The following HOOK3 variants were observed in gnomAD, a reference collection of about 807,000 sequenced individuals.
HOOK3 encodes protein Hook homolog 3.
In HOOK3, 24 loss-of-function variants were observed where a neutral mutation model predicts 116.3. The observed-to-expected ratio is 0.21, with a 90% CI of 0.15 to 0.29. The LOEUF is 0.29. HOOK3 is among the 10% of genes least tolerant of loss of function. HOOK3 has a pLI of 1.00. For synonymous variants in HOOK3, 275 were observed against 283.0 expected (o/e 0.97, Z 0.28); for missense variants, 632 against 830.2 (o/e 0.76, Z 2.93).
intron 13 of HOOK3, among the ~76,000 whole-genome samples, chr8:42,975,565 G>A (rs1808806394): frequency 6.6e-6 from 1 of 152,204 alleles, no homozygotes; most frequent in Non-Finnish European, 1.5e-5. Context: ...GATGAGTCAA[G>A]AAGGAATGAT....
chr8:42,940,267 G>T (rs1212232748), intron 4 of HOOK3, among the ~76,000 whole-genome samples: 3 of 152,260 alleles, frequency 2.0e-5, no homozygotes, highest in African/African-American at 4.8e-5. Context: ...ATCACTCGCG[G>T]CTAGGAGCTG....
intron 5 of HOOK3, among the ~76,000 whole-genome samples, chr8:42,949,659 C>T (rs1033929382): frequency 6.6e-6 from 1 of 152,194 alleles, no homozygotes; most frequent in Non-Finnish European, 1.5e-5. Flanking sequence ...GTGGCTCACG[C>T]CTGTAATCCC....
At chr8:42,941,818 T>C (rs1469508607) in intron 4 of HOOK3, among the ~76,000 whole-genome samples, 1 of 152,120 alleles carries the variant, frequency 6.6e-6, no homozygotes, top group East Asian at 1.9e-4. Context: ...TTTTGGAGTT[T>C]ATCAAGTGCA....
chr8:42,899,695 CAGTT>C (rs1394484786), intron 1 of HOOK3, among the ~76,000 whole-genome samples: 1 of 152,160 alleles, frequency 6.6e-6, no homozygotes, highest in Non-Finnish European at 1.5e-5. Flanking sequence ...AGCTTCTAGT[CAGTT>C]TGGTTGTGTG....
intron 5 of HOOK3, among the ~76,000 whole-genome samples, chr8:42,947,094 G>C (rs1484256032): frequency 2.0e-5 from 3 of 151,922 alleles, no homozygotes; most frequent in African/African-American, 7.3e-5. Context: ...GTAAATTTTA[G>C]TTTGCTTATT....
At chr8:42,979,594 C>G (rs1808895681) in intron 13 of HOOK3, among the ~76,000 whole-genome samples, 1 of 151,940 alleles carries the variant, frequency 6.6e-6, no homozygotes, top group East Asian at 1.9e-4. Flanking sequence ...ATTCTTTTTT[C>G]CCTGCTCCTC....
At chr8:43,004,235 C>T (rs376560063) in intron 17 of HOOK3, among the ~76,000 whole-genome samples, 3 of 151,234 alleles carry the variant, frequency 2.0e-5, no homozygotes, top group East Asian at 1.9e-4. Context: ...GGCATGGTGG[C>T]GTGCACCTGT....
chr8:42,984,100 G>C (rs1036288086), intron 14 of HOOK3, among the ~76,000 whole-genome samples: 4 of 152,102 alleles, frequency 2.6e-5, no homozygotes, highest in African/African-American at 9.7e-5. Context: ...GGGCACGGTG[G>C]CTCACTCCTG....
rs1047495131 is a variant in HOOK3, at chr8:43,018,482, C to T, written c.2141C>T (p.Pro714Leu). 4 of 1,611,658 alleles carry T rather than the reference C, an allele frequency of 2.5e-6. No individual in the cohort carries two copies. Among genetic ancestry groups the T allele is most frequent in the African/African-American group, 1.3e-5 (1 of 74,784 alleles). ...SRRSYPGHVQ[P>L]ATAR ...AGATCATACCCAGGCCACGTGCAGC[C>T]GGCCACAGCAAGGTAGAGAAGTTGT... The change falls in exon 22 of 22, where the codon CCG (proline) becomes CTG (leucine). Residue 714 changes from proline (P) to leucine (L), a missense_variant. By Grantham distance (98) the Pro-to-Leu change is moderately conservative. This residue lies in a region of HOOK3 where 483 missense variants were observed against 648.1 expected (regional missense o/e 0.75). Transcript: ENST00000307602.
chr8:42,956,223 C>CGTGTGTGTGTGTGTGTGTGTGTGT (rs61448463), intron 6 of HOOK3, among the ~76,000 whole-genome samples: 121 of 135,874 alleles, frequency 8.9e-4, no homozygotes, highest in Non-Finnish European at 1.2e-3. Flanking sequence ...AGGATTAGGG[C>CGTGTGTGTGTGTGTGTGTGTGTGT]GTGTGTGTGT....
chr8:42,925,683 CTG>C, intron 3 of HOOK3, 54 bp downstream of exon 3: 1 of 1,230,666 alleles, frequency 8.1e-7, no homozygotes. Context: ...TGTATAATAT[CTG>C]TTGATTTTTT....
intron 17 of HOOK3, 65 bp from the exon 18 acceptor site, chr8:43,007,782 T>C (rs1809521174): frequency 3.2e-6 from 3 of 928,090 alleles, no homozygotes; most frequent in Middle Eastern, 2.3e-4. Context: ...GGAACTCAGA[T>C]CTTTAATTTG....
rs117103320 is a variant in HOOK3 at position 42,911,728 on chromosome 8, G to A, written c.143+5470G>A. On this transcript the variant is annotated intron_variant, in intron 2 of 21. Transcript: ENST00000307602. ...CAGCATATTTTGATGGTTGGTATGTGGGGGAGTTGACTTTTAGGTTTTTAA... is the reference window on the plus strand; with the variant it reads ...CAGCATATTTTGATGGTTGGTATGTAGGGGAGTTGACTTTTAGGTTTTTAA... 5.5e-3 allele frequency among the ~76,000 whole-genome samples: 834 copies of A among 152,270 alleles called. 6 individuals are homozygous for A. The highest frequency in any genetic ancestry group is 5.9e-3 in the Non-Finnish European group (400 of 68,022).
At chr8:43,016,856 G>C (rs543481615) in intron 21 of HOOK3, among the ~76,000 whole-genome samples, 5 of 152,118 alleles carry the variant, frequency 3.3e-5, no homozygotes, top group Non-Finnish European at 5.9e-5. Context: ...TGGGTTGATA[G>C]AATAGACTGA....
chr8:43,007,331 C>G (rs1203069029), intron 17 of HOOK3, among the ~76,000 whole-genome samples: 1 of 152,136 alleles, frequency 6.6e-6, no homozygotes, highest in Non-Finnish European at 1.5e-5. Flanking sequence ...AGATTGACCA[C>G]AAAACTAGCC....
At chr8:42,966,650 C>T (rs763319416) in intron 10 of HOOK3, 37 bp downstream of exon 10, 19 of 1,599,406 alleles carry the variant, frequency 1.2e-5, no homozygotes, top group Non-Finnish European at 1.6e-5. Context: ...CACAGTTTGG[C>T]TCTGGTGTTA....
chr8:43,027,706 C>G lies in HOOK3; in HGVS notation c.*9208C>G, dbSNP rs1809957295. 1 of 206,686 alleles carries G rather than the reference C, an allele frequency of 4.8e-6. No individual in the cohort carries two copies. The highest frequency in any genetic ancestry group is 5.8e-5 in the Admixed American group (1 of 17,338). The allele number at this position is 206,686 out of a possible 1,614,324, so 12.8% of individuals were successfully genotyped here. On this transcript the variant is annotated 3_prime_UTR_variant, in exon 22 of 22. Coordinates refer to ENST00000307602, the MANE Select transcript of HOOK3 (RefSeq NM_032410.4). The stretch of plus-strand genomic sequence containing the variant: ...CTCTAAGTATCTTAACTTCCATTGT[C>G]TTCTTGTTAACCTAGACAAGAGTAG...
intron 16 of HOOK3, chr8:43,000,243 C>T (rs1809353768): frequency 1.6e-6 from 2 of 1,278,526 alleles, no homozygotes; most frequent in Middle Eastern, 2.1e-4. Context: ...TTTGTCCTCT[C>T]TGTCTCTTGG....
intron 8 of HOOK3, among the ~76,000 whole-genome samples, chr8:42,960,612 A>G (rs953049022): frequency 3.3e-5 from 5 of 152,228 alleles, no homozygotes; most frequent in Non-Finnish European, 7.3e-5. Flanking sequence ...CTTTCATCTT[A>G]ACCAAGTAGG....
Sources: gnomAD v4.1 joint callset for allele counts (sites outside exome capture counted in the v4.1 genomes callset) on GRCh38, gnomAD v4.1.1 for gene constraint, gnomAD v4.1.1 regional missense constraint, MANE v1.5 for transcripts, NCBI Gene and HGNC (gene_info 2026-07-23, HGNC 2026-07-21) for gene names.